The following CYP20A1 variants were observed in gnomAD, a reference collection of about 807,000 sequenced individuals.
CYP20A1 encodes cytochrome P450 family 20 subfamily A member 1.
Under a neutral mutation model 61.4 loss-of-function variants are expected in CYP20A1, and 61 were observed. That is an observed-to-expected ratio of 0.99 (90% CI 0.81 to 1.23). CYP20A1 has a LOEUF of 1.23. CYP20A1 is among the 50% of genes most tolerant of loss of function. The pLI is 0.00. For missense variants in CYP20A1, 530 were observed against 542.4 expected, an observed-to-expected ratio of 0.98 and a Z score of 0.23; for synonymous variants, 193 against 188.2, an observed-to-expected ratio of 1.03 and a Z score of -0.21.
intron 4 of CYP20A1, among the ~76,000 whole-genome samples, chr2:203,263,632 C>T (rs185353991): frequency 6.6e-6 from 1 of 152,222 alleles, no homozygotes; most frequent in Non-Finnish European, 1.5e-5. Flanking sequence ...TCATTTAGTT[C>T]AAAATAGTTT....
In CYP20A1 at chr2:203,285,620, T is replaced by A; in HGVS notation, c.859T>A (p.Trp287Arg). 1.3e-6 allele frequency: 2 copies of A among 1,590,386 alleles called. No homozygotes were observed. Among genetic ancestry groups the A allele is most frequent in the Non-Finnish European group, 1.7e-6 (2 of 1,173,988 alleles). ...TATAATGTTTGACCTAGTGTGTACC[T>A]GGGCAATCTGTTTTTTAACCACCTC... ...SCIITAKLCT[W>R]AICFLTTSEE... The change falls in exon 9 of 13, where the codon TGG becomes AGG. Residue 287 changes from tryptophan to arginine, a missense_variant. By Grantham distance (101) the Trp-to-Arg change is moderately radical. Transcript: ENST00000356079.
At chr2:203,257,317 CAA>C (rs751345935) in intron 4 of CYP20A1, among the ~76,000 whole-genome samples, 16 of 113,408 alleles carry the variant, frequency 1.4e-4, no homozygotes, top group Non-Finnish European at 1.7e-4. Flanking sequence ...GACACTGTCT[CAA>C]AAAAAAAAAA....
intron 3 of CYP20A1, 61 bp downstream of exon 3, chr2:203,246,982 T>C (rs6751894): frequency 1 from 1,547,880 of 1,548,676 alleles, 773,543 homozygotes; most frequent in East Asian, 1. Flanking sequence ...ATGTTTAGGC[T>C]GGGCACGGTG....
Position 203,251,979 on chromosome 2 carries a change from A to G in CYP20A1, c.302A>G (p.Glu101Gly), listed in dbSNP as rs753945008. Residue 101 changes from glutamate to glycine, a missense_variant, in exon 4 of 13, where the codon GAA becomes GGA. By Grantham distance (98) the Glu-to-Gly change is moderately conservative. Transcript: ENST00000356079. ...INPNKTSDPF[E>G]TMLKSLLRYQ... ...TTGTCTGTTTCAGCGGACCCTTTTGAAACCATGCTGAAGTCATTATTAAGG... is the reference window on the plus strand; with the variant it reads ...TTGTCTGTTTCAGCGGACCCTTTTGGAACCATGCTGAAGTCATTATTAAGG... The G allele has an allele frequency of 1.3e-6, 2 of 1,578,804 alleles. No homozygotes were observed. Among genetic ancestry groups the G allele is most frequent in the East Asian group, 4.6e-5 (2 of 43,164 alleles).
chr2:203,243,890 G>C (rs372823757), intron 1 of CYP20A1, among the ~76,000 whole-genome samples: 3 of 151,478 alleles, frequency 2.0e-5, no homozygotes, highest in African/African-American at 7.3e-5. Context: ...GGGTTTCCCC[G>C]TGTTGCACAA....
chr2:203,269,301 T>A (rs950002275), intron 5 of CYP20A1, among the ~76,000 whole-genome samples: 6 of 148,282 alleles, frequency 4.0e-5, no homozygotes, highest in South Asian at 4.3e-4. Context: ...TTTTTTTTTT[T>A]AATTAGTGAA....
At chr2:203,265,416 A>G (rs2067284810) in intron 4 of CYP20A1, among the ~76,000 whole-genome samples, 1 of 152,166 alleles carries the variant, frequency 6.6e-6, no homozygotes, top group Non-Finnish European at 1.5e-5. Flanking sequence ...CAATTACTCA[A>G]CAATGCCAGG....
At chr2:203,274,842 T>A (rs1490525745) in intron 6 of CYP20A1, among the ~76,000 whole-genome samples, 1 of 152,216 alleles carries the variant, frequency 6.6e-6, no homozygotes, top group African/African-American at 2.4e-5. Context: ...TTCCCCTTGA[T>A]AAAAAATGTA....
chr2:203,286,296 C>T (rs917597903), intron 9 of CYP20A1, among the ~76,000 whole-genome samples: 6 of 152,022 alleles, frequency 3.9e-5, no homozygotes, highest in African/African-American at 1.2e-4. Context: ...GAAAAGAAAA[C>T]AATAGAAAAC....
chr2:203,293,567 T>C (rs2068638725), intron 11 of CYP20A1, among the ~76,000 whole-genome samples: 1 of 151,814 alleles, frequency 6.6e-6, no homozygotes, highest in Admixed American at 6.6e-5. Context: ...TTTTTGCTTT[T>C]TTTAAATTTA....
rs1013611847 is a variant in CYP20A1 at position 203,291,907 on chromosome 2, C to G, written c.1084-355C>G. ...TGTGTTCTCATTGTTCACTTCCCAC[C>G]TATGAGTGAGAACATGCGGTGTTTG... On this transcript the variant is annotated intron_variant, in intron 10 of 12. Transcript: ENST00000356079. Among the ~76,000 whole-genome samples the G allele has an allele frequency of 2.0e-5, 3 of 152,252 alleles. No homozygotes were observed. The South Asian group carries it at 6.2e-4, about 32-fold the overall frequency.
chr2:203,268,891 A>G (rs973434490), intron 5 of CYP20A1, among the ~76,000 whole-genome samples: 16 of 152,160 alleles, frequency 1.1e-4, no homozygotes, highest in Non-Finnish European at 2.4e-4. Context: ...GTAATAACCA[A>G]TTTGTGAATT....
rs188532223 is a variant in CYP20A1 at position 203,266,217 on chromosome 2, T to C, written c.433-297T>C. 2.8e-3 allele frequency among the ~76,000 whole-genome samples: 426 copies of C among 152,298 alleles called. 1 individual carries two copies. The highest frequency in any genetic ancestry group is 4.5e-3 in the Non-Finnish European group (308 of 68,014). Reference sequence around the variant, plus strand: ...AGATACCAAGAGTATGGTCTTTTAATTTCCGTTGGGTTTAAGTTTTTTCTA... The same window carrying C: ...AGATACCAAGAGTATGGTCTTTTAACTTCCGTTGGGTTTAAGTTTTTTCTA... On this transcript the variant is annotated intron_variant, in intron 4 of 12. Transcript: ENST00000356079.
intron 8 of CYP20A1, among the ~76,000 whole-genome samples, chr2:203,281,458 A>G (rs1245982026): frequency 1.3e-5 from 2 of 152,168 alleles, no homozygotes; most frequent in African/African-American, 2.4e-5. Flanking sequence ...GCAGTGAGCC[A>G]TGATTGCACC....
chr2:203,250,221 G>T (rs2066609256), intron 3 of CYP20A1, among the ~76,000 whole-genome samples: 1 of 152,164 alleles, frequency 6.6e-6, no homozygotes, highest in South Asian at 2.1e-4. Context: ...CTGAATAAAT[G>T]AATACTTTCA....
At chr2:203,273,115 GA>G (rs2067674461) in intron 6 of CYP20A1, among the ~76,000 whole-genome samples, 1 of 152,114 alleles carries the variant, frequency 6.6e-6, no homozygotes, top group African/African-American at 2.4e-5. Context: ...AAAGTGCTGG[GA>G]TTACAGGCAT....
At chr2:203,247,038 A>T (rs1157839847) in intron 3 of CYP20A1, 117 bp downstream of exon 3, 23 of 968,860 alleles carry the variant, frequency 2.4e-5, no homozygotes, top group Middle Eastern at 5.2e-4. Flanking sequence ...AGGCAGGTGG[A>T]TCACATGAGG....
intron 1 of CYP20A1, among the ~76,000 whole-genome samples, chr2:203,241,711 C>T (rs1043173211): frequency 2.0e-5 from 3 of 152,208 alleles, no homozygotes; most frequent in Non-Finnish European, 4.4e-5. Context: ...CTTGCCCAGG[C>T]TACAGTGCAG....
At chr2:203,272,141 G>A (rs776179023) in intron 5 of CYP20A1, among the ~76,000 whole-genome samples, 11 of 152,170 alleles carry the variant, frequency 7.2e-5, no homozygotes, top group Non-Finnish European at 1.5e-4. Context: ...GTTTGAAAGT[G>A]CCTTGACTGA....
Sources: gnomAD v4.1 joint callset for allele counts (sites outside exome capture counted in the v4.1 genomes callset) on GRCh38, gnomAD v4.1.1 for gene constraint, MANE v1.5 for transcripts, NCBI Gene and HGNC (gene_info 2026-07-23, HGNC 2026-07-21) for gene names.